Variants in PDE4B observed in about 807,000 individuals in gnomAD.
PDE4B encodes the protein phosphodiesterase 4B, also known as 3',5'-cyclic-AMP phosphodiesterase 4B.
A neutral mutation model predicts 82.2 loss-of-function variants in PDE4B; 20 were observed. The ratio of observed to expected loss-of-function variants is 0.24; its 90% confidence interval spans 0.17 to 0.35. PDE4B has a LOEUF of 0.35. PDE4B is among the 10% of genes least tolerant of loss of function. The pLI is 1.00. For synonymous variants in PDE4B, 320 were observed against 318.9 expected, an observed-to-expected ratio of 1.00 and a Z score of -0.04; for missense variants, 655 against 907.2, an observed-to-expected ratio of 0.72 and a Z score of 3.57.
At chr1:65,842,148 A>C (rs151160566) in intron 1 of PDE4B, among the ~76,000 whole-genome samples, 2 of 152,144 alleles carry the variant, frequency 1.3e-5, no homozygotes, top group Non-Finnish European at 2.9e-5. Flanking sequence ...GGGAGATACT[A>C]TTTTCAAGAT....
At chr1:65,846,099 T>C (rs913091156) in intron 1 of PDE4B, among the ~76,000 whole-genome samples, 2 of 152,202 alleles carry the variant, frequency 1.3e-5, no homozygotes, top group African/African-American at 4.8e-5. Flanking sequence ...TTCTTACTAA[T>C]CTTGTTTGAC....
intron 3 of PDE4B, among the ~76,000 whole-genome samples, chr1:66,061,059 T>A (rs1325789961): frequency 6.6e-6 from 1 of 151,858 alleles, no homozygotes; most frequent in East Asian, 1.9e-4. Context: ...TCTTTGTCCT[T>A]TTTCAGGGAA....
At chr1:65,829,196 A>T (rs977204474) in intron 1 of PDE4B, among the ~76,000 whole-genome samples, 6 of 152,224 alleles carry the variant, frequency 3.9e-5, no homozygotes, top group Non-Finnish European at 5.9e-5. Flanking sequence ...AGACTTCAGA[A>T]TAAGAAATAT....
intron 7 of PDE4B, among the ~76,000 whole-genome samples, chr1:66,309,647 G>A (rs1658530830): frequency 1.3e-5 from 2 of 152,176 alleles, no homozygotes; most frequent in African/African-American, 4.8e-5. Flanking sequence ...TGGGAGTACA[G>A]GCTGTGCCAC....
At chr1:66,297,611 TTATATTATTCATTA>T (rs1456471557) in intron 7 of PDE4B, among the ~76,000 whole-genome samples, 1 of 152,172 alleles carries the variant, frequency 6.6e-6, no homozygotes, top group East Asian at 1.9e-4. Flanking sequence ...GTCCTTTTTA[TTATATTATTCATTA>T]TATATTATTC....
At chr1:65,884,999 CA>C (rs1419601777) in intron 1 of PDE4B, among the ~76,000 whole-genome samples, 1 of 151,968 alleles carries the variant, frequency 6.6e-6, no homozygotes, top group Non-Finnish European at 1.5e-5. Context: ...ACAAATAACT[CA>C]AATAAATTTA....
chr1:65,924,077 A>ATTTTTTT (rs71058436), intron 3 of PDE4B, among the ~76,000 whole-genome samples: 684 of 40,782 alleles, frequency 0.017, 203 homozygotes, highest in Non-Finnish European at 0.019. Flanking sequence ...CAGTTTGCTA[A>ATTTTTTT]TTTTTTTTTT....
At chr1:65,942,987 T>C (rs1467138104) in intron 3 of PDE4B, among the ~76,000 whole-genome samples, 1 of 152,042 alleles carries the variant, frequency 6.6e-6, no homozygotes, top group Non-Finnish European at 1.5e-5. Context: ...GATTGTTTGC[T>C]TGGCTGTACA....
At chr1:65,806,864 A>G (rs1570955069) in intron 1 of PDE4B, among the ~76,000 whole-genome samples, 1 of 152,362 alleles carries the variant, frequency 6.6e-6, no homozygotes, top group East Asian at 1.9e-4. Context: ...TGTAGGGCAT[A>G]TCCTGATTTC....
intron 7 of PDE4B, among the ~76,000 whole-genome samples, chr1:66,330,062 A>C (rs1450356121): frequency 2.0e-5 from 3 of 152,124 alleles, no homozygotes. Context: ...TATTTAGTAC[A>C]CTCTAACCTC....
chr1:66,016,872 C>T (rs986709700), intron 3 of PDE4B, among the ~76,000 whole-genome samples: 5 of 152,264 alleles, frequency 3.3e-5, no homozygotes, highest in East Asian at 3.9e-4. Context: ...TTGCTTTCAA[C>T]GCCAAGTCAG....
chr1:66,311,082 T>C (rs1465957112), intron 7 of PDE4B, among the ~76,000 whole-genome samples: 3 of 152,122 alleles, frequency 2.0e-5, no homozygotes, highest in Admixed American at 1.3e-4. Flanking sequence ...TGGTGCAGAA[T>C]AAATAGTCAA....
At chr1:66,022,944 T>C (rs1008493321) in intron 3 of PDE4B, among the ~76,000 whole-genome samples, 2 of 152,162 alleles carry the variant, frequency 1.3e-5, no homozygotes, top group Non-Finnish European at 2.9e-5. Flanking sequence ...GTCCTGGACT[T>C]TTTTTCTTGG....
At chr1:66,091,732 A>G (rs77767822) in intron 3 of PDE4B, among the ~76,000 whole-genome samples, 4,826 of 152,172 alleles carry the variant, frequency 0.032, 86 homozygotes, top group East Asian at 0.08. Context: ...CTAATAAAGT[A>G]TATTATGAGG....
At chr1:65,959,857 G>A (rs960145765) in intron 3 of PDE4B, among the ~76,000 whole-genome samples, 14 of 152,118 alleles carry the variant, frequency 9.2e-5, no homozygotes, top group Middle Eastern at 3.4e-3. Flanking sequence ...CCCTTACCAC[G>A]TCTATTTCAC....
At chr1:65,891,637 G>A (rs537117234) in intron 1 of PDE4B, among the ~76,000 whole-genome samples, 16 of 152,110 alleles carry the variant, frequency 1.1e-4, no homozygotes, top group South Asian at 1.0e-3. Context: ...TCAATTCAAT[G>A]TAATGAATGT....
intron 3 of PDE4B, among the ~76,000 whole-genome samples, chr1:66,185,892 A>G (rs1647191047): frequency 6.6e-6 from 1 of 152,102 alleles, no homozygotes; most frequent in Non-Finnish European, 1.5e-5. Flanking sequence ...TTGGTGTTTT[A>G]GATATGAAGT....
At chr1:65,809,566 TGAG>T (rs1385331344) in intron 1 of PDE4B, among the ~76,000 whole-genome samples, 3 of 152,138 alleles carry the variant, frequency 2.0e-5, no homozygotes, top group East Asian at 1.9e-4. Flanking sequence ...TTAGCATAAA[TGAG>T]GAGATCTAAA....
chr1:66,184,290 T>A (rs980785397), intron 3 of PDE4B, among the ~76,000 whole-genome samples: 5 of 152,122 alleles, frequency 3.3e-5, no homozygotes, highest in Admixed American at 2.0e-4. Flanking sequence ...TCCATATAAA[T>A]CCAGGGTAGG....
Sources: allele counts gnomAD v4.1 joint callset (sites outside exome capture counted in the v4.1 genomes callset), GRCh38; gene constraint gnomAD v4.1.1; transcripts MANE v1.5; gene names NCBI Gene and HGNC (gene_info 2026-07-23, HGNC 2026-07-21).